Variants in PLOD2 observed in about 807,000 individuals in gnomAD.
The protein encoded by PLOD2 is procollagen-lysine,2-oxoglutarate 5-dioxygenase 2.
In PLOD2, 65 loss-of-function variants were observed where a neutral mutation model predicts 101.0. That is an observed-to-expected ratio of 0.64 (90% CI 0.53 to 0.79). The LOEUF is 0.79. Ranked by LOEUF, PLOD2 falls within the 30% of genes least tolerant of loss-of-function variation. The pLI is 0.00. For missense variants in PLOD2, 909 were observed against 914.6 expected (o/e 0.99, Z 0.08); for synonymous variants, 314 against 302.9 (o/e 1.04, Z -0.38).
chr3:146,141,563 A>G (rs549507473), intron 1 of PLOD2, among the ~76,000 whole-genome samples: 1 of 152,194 alleles, frequency 6.6e-6, no homozygotes, highest in South Asian at 2.1e-4. Context: ...ACAGATACTG[A>G]CATTCACTGT....
Position 146,071,299 on chromosome 3 carries a change from A to T in PLOD2, c.1973T>A (p.Val658Asp). ...REFIAPVTLK[V>D]FAGYYTKGFA... is the part of the protein sequence containing the mutation. ...TACCTTCGTATAATAGCCTGCAAAG[A>T]CCTTCAGTGTAACTGGTGCAATGAA... is the stretch of plus-strand genomic sequence containing the variant. The change falls in exon 18 of 20, where the codon GTC becomes GAC. Residue 658 changes from valine to aspartate, a missense_variant. Transcript: ENST00000282903. 1 of 1,612,130 alleles carries T rather than the reference A, an allele frequency of 6.2e-7. No homozygotes were observed. The highest frequency in any genetic ancestry group is 2.2e-5 in the East Asian group (1 of 44,798).
chr3:146,109,368 G>A (rs1314159704), intron 4 of PLOD2, among the ~76,000 whole-genome samples: 2 of 152,188 alleles, frequency 1.3e-5, no homozygotes, highest in African/African-American at 4.8e-5. Context: ...GGAATATGTT[G>A]ATAAAATAAA....
At chr3:146,100,985 T>C (rs1417908511) in intron 7 of PLOD2, among the ~76,000 whole-genome samples, 1 of 151,882 alleles carries the variant, frequency 6.6e-6, no homozygotes, top group East Asian at 1.9e-4. Context: ...ACTGAGAAAA[T>C]CAGATAAAAC....
chr3:146,087,435 A>G (rs1475254215), intron 9 of PLOD2, among the ~76,000 whole-genome samples: 1 of 151,912 alleles, frequency 6.6e-6, no homozygotes, highest in Non-Finnish European at 1.5e-5. Flanking sequence ...TTACTTAACA[A>G]AAAAAGGAAA....
chr3:146,073,157 T>C (rs1936210979), intron 16 of PLOD2, 130 bp downstream of exon 16: 1 of 537,880 alleles, frequency 1.9e-6, no homozygotes, highest in African/African-American at 1.9e-5. Context: ...TAATCAGTAA[T>C]TGAATCAAAT....
At chr3:146,094,823 C>CTT (rs1937094486) in intron 7 of PLOD2, among the ~76,000 whole-genome samples, 1 of 152,144 alleles carries the variant, frequency 6.6e-6, no homozygotes, top group Non-Finnish European at 1.5e-5. Context: ...TCAAACTATA[C>CTT]TACAAGGCTA....
At chr3:146,085,087 T>C (rs1936707396) in intron 11 of PLOD2, 82 bp downstream of exon 11, 1 of 691,914 alleles carries the variant, frequency 1.4e-6, no homozygotes, top group Non-Finnish European at 2.6e-6. Context: ...ATTTACTAAA[T>C]ACACAATTAC....
intron 1 of PLOD2, among the ~76,000 whole-genome samples, chr3:146,155,920 T>G (rs192358021): frequency 6.6e-6 from 1 of 152,150 alleles, no homozygotes; most frequent in Admixed American, 6.6e-5. Flanking sequence ...AACGTGCTAA[T>G]TATTTCCTCC....
chr3:146,090,046 T>C (rs1442685427), intron 8 of PLOD2, among the ~76,000 whole-genome samples: 1 of 151,432 alleles, frequency 6.6e-6, no homozygotes, highest in Non-Finnish European at 1.5e-5. Context: ...ACAGTTAACA[T>C]TTATTGAATA....
chr3:146,103,075 T>C (rs1204086274), intron 6 of PLOD2, among the ~76,000 whole-genome samples: 1 of 152,160 alleles, frequency 6.6e-6, no homozygotes, highest in African/African-American at 2.4e-5. Flanking sequence ...CCAAACTCAC[T>C]CCAACCTGGC....
chr3:146,075,002 A>G (rs892667887), intron 15 of PLOD2, among the ~76,000 whole-genome samples: 2 of 151,620 alleles, frequency 1.3e-5, no homozygotes, highest in African/African-American at 4.8e-5. Flanking sequence ...AATTCAGGAT[A>G]TAATTCAGGA....
At chr3:146,097,223 G>C (rs1348640506) in intron 7 of PLOD2, among the ~76,000 whole-genome samples, 1 of 151,460 alleles carries the variant, frequency 6.6e-6, no homozygotes, top group Non-Finnish European at 1.5e-5. Flanking sequence ...GGGAGGTGAG[G>C]GGCGCTTCTG....
At chr3:146,157,875 C>T (rs2032376075) in intron 1 of PLOD2, among the ~76,000 whole-genome samples, 1 of 152,174 alleles carries the variant, frequency 6.6e-6, no homozygotes, top group Admixed American at 6.5e-5. Context: ...CCTCTCCACC[C>T]CATAAATTGC....
At chr3:146,106,984 C>A (rs1937545964) in intron 4 of PLOD2, among the ~76,000 whole-genome samples, 1 of 152,142 alleles carries the variant, frequency 6.6e-6, no homozygotes, top group Admixed American at 6.5e-5. Context: ...TAGACTGAGA[C>A]AAGAATTTTT....
intron 4 of PLOD2, 99 bp from the exon 5 acceptor site, chr3:146,106,743 A>G: frequency 1.3e-6 from 1 of 760,022 alleles, no homozygotes; most frequent in Non-Finnish European, 2.4e-6. Context: ...TTGTGAAGTC[A>G]TGAAGCCTAA....
At chr3:146,078,758 C>T (rs181376903) in intron 13 of PLOD2, among the ~76,000 whole-genome samples, 3 of 151,716 alleles carry the variant, frequency 2.0e-5, no homozygotes, top group East Asian at 1.9e-4. Context: ...ATTGTTTCAT[C>T]GAAGCTTATC....
At chr3:146,123,674 C>T (rs369074358) in intron 2 of PLOD2, among the ~76,000 whole-genome samples, 60 of 151,928 alleles carry the variant, frequency 3.9e-4, no homozygotes, top group African/African-American at 1.4e-3. Flanking sequence ...AAAATCCCTG[C>T]CAAATCTTAT....
At chr3:146,132,332 T>C (rs916327568) in intron 1 of PLOD2, among the ~76,000 whole-genome samples, 2 of 152,168 alleles carry the variant, frequency 1.3e-5, no homozygotes, top group Non-Finnish European at 2.9e-5. Flanking sequence ...CGCCAGTTAT[T>C]TACAGAAAGG....
At chr3:146,078,336 A>G (rs903777784) in intron 13 of PLOD2, among the ~76,000 whole-genome samples, 1 of 151,942 alleles carries the variant, frequency 6.6e-6, no homozygotes, top group Non-Finnish European at 1.5e-5. Context: ...GAAAACAAAC[A>G]TATTCAAACA....
Sources: gnomAD v4.1 joint callset for allele counts (sites outside exome capture counted in the v4.1 genomes callset) on GRCh38, gnomAD v4.1.1 for gene constraint, MANE v1.5 for transcripts, NCBI Gene and HGNC (gene_info 2026-07-23, HGNC 2026-07-21) for gene names.